Variants in SHLD2 observed in about 807,000 individuals in gnomAD.
SHLD2 encodes shieldin complex subunit 2, also known as RINN1-REV7-interacting novel NHEJ regulator 2.
SHLD2 carries 30 observed loss-of-function variants against 73.2 expected under a neutral mutation model. The ratio of observed to expected loss-of-function variants is 0.41; its 90% CI spans 0.31 to 0.56. The LOEUF (loss-of-function observed/expected upper bound fraction) is 0.56. Ranked by LOEUF, SHLD2 falls within the 20% of genes least tolerant of loss-of-function variation. The pLI, the probability that SHLD2 is intolerant of heterozygous loss-of-function variation, is 0.28. For synonymous variants in SHLD2, 285 were observed against 370.1 expected (o/e 0.77, Z 2.64); for missense variants, 745 against 1,055.9 (o/e 0.71, Z 4.08).
chr10:87,122,173 C>CAAAAA (rs10706744), intron 2 of SHLD2, among the ~76,000 whole-genome samples: 14 of 86,404 alleles, frequency 1.6e-4, no homozygotes, highest in East Asian at 7.0e-4. Flanking sequence ...CACTGACTGT[C>CAAAAA]AAAAAAAAAA....
rs1289692892 is a variant in SHLD2 at position 87,190,625 on chromosome 10, T to G, written c.2657T>G (p.Phe886Cys). ...AACAGCTATCCATTACAACAAGATTTCTCCCTCCTGGATTTTTATCCTGAC... is the reference window on the plus strand; with the variant it reads ...AACAGCTATCCATTACAACAAGATTGCTCCCTCCTGGATTTTTATCCTGAC... The part of the protein sequence containing the change: ...DENSYPLQQD[F>C]SLLDFYPDIV... The change falls in exon 10 of 10, where the codon TTC becomes TGC. Residue 886 changes from phenylalanine (F) to cysteine (C), a missense_variant. This residue lies in a region of SHLD2 where 418 missense variants were observed against 567.8 expected (regional missense o/e 0.74). Coordinates refer to ENST00000298786, the MANE Select transcript of SHLD2 (RefSeq NM_001330112.2). The G allele has an allele frequency of 2.5e-6, 4 of 1,611,946 alleles. No individual in the cohort carries two copies. Among genetic ancestry groups the G allele is most frequent in the Non-Finnish European group, 3.4e-6 (4 of 1,179,824 alleles).
chr10:87,098,755 T>A (rs1295613786), intron 2 of SHLD2, among the ~76,000 whole-genome samples: 1 of 152,080 alleles, frequency 6.6e-6, no homozygotes, highest in East Asian at 1.9e-4. Context: ...AATATACAGA[T>A]AATTTGCAAA....
chr10:87,123,132 C>T (rs547349636), intron 2 of SHLD2, among the ~76,000 whole-genome samples: 5 of 152,122 alleles, frequency 3.3e-5, no homozygotes, highest in Non-Finnish European at 5.9e-5. Flanking sequence ...AGGCTGGTCT[C>T]GAACTCCTGA....
intron 4 of SHLD2, among the ~76,000 whole-genome samples, chr10:87,164,300 T>C (rs1847042118): frequency 6.6e-6 from 1 of 151,622 alleles, no homozygotes; most frequent in Non-Finnish European, 1.5e-5. Flanking sequence ...TTGCCCAGTC[T>C]AGAGTACAGT....
chr10:87,096,774 T>C (rs12251095), intron 1 of SHLD2, among the ~76,000 whole-genome samples, 160 bp from the exon 2 acceptor site: 4,603 of 152,308 alleles, frequency 0.03, 248 homozygotes, highest in African/African-American at 0.1. Context: ...TCTCGAAATA[T>C]TGTGTAAAAT....
intron 2 of SHLD2, among the ~76,000 whole-genome samples, chr10:87,145,579 T>G (rs1484849275): frequency 6.6e-6 from 1 of 151,830 alleles, no homozygotes; most frequent in Non-Finnish European, 1.5e-5. Flanking sequence ...TACAGGGAGT[T>G]TTTTCACTCC....
At position 87,127,538 on chromosome 10, in the gene SHLD2, C is replaced by G. The variant is rs1322408516; in HGVS notation, c.-5-23812C>G. The stretch of plus-strand genomic sequence containing the variant: ...TTTGTCCCTCTTACCCGCCCCCCCC[C>G]ACCCCGTCTGCCACCCCCCGCCTCC... On this transcript the variant is annotated intron_variant, in intron 2 of 9. Transcript: ENST00000298786. Among the ~76,000 whole-genome samples the G allele has an allele frequency of 2.1e-4, 13 of 62,976 alleles. 1 individual carries two copies. Among genetic ancestry groups the G allele is most frequent in the African/African-American group, 7.2e-4 (11 of 15,218 alleles). The allele number at this position is 62,976 out of a possible 152,430, so 41.3% of individuals were successfully genotyped here.
intron 2 of SHLD2, among the ~76,000 whole-genome samples, chr10:87,123,356 C>G (rs1843758076): frequency 6.6e-6 from 1 of 151,758 alleles, no homozygotes; most frequent in Non-Finnish European, 1.5e-5. Flanking sequence ...GGCTGGAGTA[C>G]AGTGGCATGA....
chr10:87,139,891 TG>T (rs1564592890), intron 2 of SHLD2, among the ~76,000 whole-genome samples: 1 of 151,628 alleles, frequency 6.6e-6, no homozygotes, highest in African/African-American at 2.4e-5. Flanking sequence ...TATCCAAAAC[TG>T]GGGGAAAAAC....
At chr10:87,110,487 A>ATTTTAC (rs1842853577) in intron 2 of SHLD2, among the ~76,000 whole-genome samples, 1 of 151,014 alleles carries the variant, frequency 6.6e-6, no homozygotes, top group South Asian at 2.1e-4. Context: ...GGTGTCTGTA[A>ATTTTAC]TACCAGCTAC....
intron 8 of SHLD2, among the ~76,000 whole-genome samples, chr10:87,183,005 G>A (rs1182382096): frequency 1.3e-5 from 2 of 152,202 alleles, no homozygotes; most frequent in Admixed American, 1.3e-4. Flanking sequence ...TTCATCAGAA[G>A]TGAGTTAGCT....
intron 2 of SHLD2, among the ~76,000 whole-genome samples, chr10:87,142,024 C>A (rs1845230221): frequency 7.6e-6 from 1 of 130,752 alleles, no homozygotes; most frequent in African/African-American, 2.7e-5. Context: ...GAGCAAGACT[C>A]CATCTCAAAA....
In SHLD2 at chr10:87,151,459, C is replaced by T. The variant is rs1306421574; in HGVS notation, c.105C>T (p.Pro35=). 1.2e-6 allele frequency: 2 copies of T among 1,610,558 alleles called. No homozygotes were observed. The highest frequency in any genetic ancestry group is 1.7e-6 in the Non-Finnish European group (2 of 1,179,396). Residue 35 remains proline (P), a synonymous_variant, in exon 3 of 10, where the codon CCC becomes CCT. Transcript: ENST00000298786. ...CTTCTTTAATGTCTGTTGCTGACCC[C>T]TGGAAAAAAATTCAGCTTTTATACA... The part of the protein sequence containing the change: ...DTASLMSVAD[P]WKKIQLLYSQ...
chr10:87,163,780 A>G (rs1006524364), intron 4 of SHLD2, among the ~76,000 whole-genome samples: 1 of 150,082 alleles, frequency 6.7e-6, no homozygotes, highest in African/African-American at 2.5e-5. Flanking sequence ...TTTAATATAG[A>G]TAAATGGATA....
At chr10:87,173,778 A>C (rs1212897324) in intron 6 of SHLD2, among the ~76,000 whole-genome samples, 1 of 152,200 alleles carries the variant, frequency 6.6e-6, no homozygotes, top group Non-Finnish European at 1.5e-5. Context: ...TTGTCAGAAA[A>C]TAATGCAGTA....
intron 2 of SHLD2, among the ~76,000 whole-genome samples, chr10:87,104,895 G>A (rs1185002926): frequency 1.3e-5 from 2 of 152,072 alleles, no homozygotes; most frequent in Non-Finnish European, 2.9e-5. Flanking sequence ...TCCTGACCTT[G>A]TGATCCGCCT....
At chr10:87,104,006 G>C (rs1344962357) in intron 2 of SHLD2, among the ~76,000 whole-genome samples, 2 of 152,102 alleles carry the variant, frequency 1.3e-5, no homozygotes, top group African/African-American at 4.8e-5. Context: ...GGCTGAGGTG[G>C]GTGGATCACT....
At chr10:87,146,010 A>C (rs1018559237) in intron 2 of SHLD2, among the ~76,000 whole-genome samples, 1 of 152,000 alleles carries the variant, frequency 6.6e-6, no homozygotes, top group African/African-American at 2.4e-5. Context: ...CCATCCTCCT[A>C]CTCACATACT....
At chr10:87,144,062 G>A (rs3129358) in intron 2 of SHLD2, among the ~76,000 whole-genome samples, 48,308 of 151,564 alleles carry the variant, frequency 0.32, 8,442 homozygotes, top group East Asian at 0.74. Flanking sequence ...CGGGGGTTTC[G>A]TCGTGTTAGC....
Sources: allele counts gnomAD v4.1 joint callset (sites outside exome capture counted in the v4.1 genomes callset), GRCh38; gene constraint gnomAD v4.1.1; regional missense constraint gnomAD v4.1.1; transcripts MANE v1.5; gene names NCBI Gene and HGNC (gene_info 2026-07-23, HGNC 2026-07-21).